SLC13A4: variants seen among roughly 807,000 people sequenced by gnomAD.
The protein encoded by SLC13A4 is solute carrier family 13 member 4, also known as Na(+)/sulfate cotransporter SUT-1.
A neutral mutation model predicts 72.7 loss-of-function variants in SLC13A4; 28 were observed. The observed-to-expected ratio is 0.39, with a 90% confidence interval of 0.29 to 0.53. The LOEUF (loss-of-function observed/expected upper bound fraction) is 0.53, where lower values mean the gene tolerates loss of function less well. Among genes scored for constraint, SLC13A4 ranks in the 20% least tolerant of loss-of-function variants. The pLI is 0.78. For missense variants in SLC13A4, 653 were observed against 788.0 expected (o/e 0.83, Z 2.05); for synonymous variants, 312 against 325.5 (o/e 0.96, Z 0.45).
At chr7:135,715,825 G>T (rs906590097) in intron 2 of SLC13A4, among the ~76,000 whole-genome samples, 3 of 152,242 alleles carry the variant, frequency 2.0e-5, no homozygotes, top group Non-Finnish European at 4.4e-5. Context: ...ATGACGGTAA[G>T]TGAGAGTCAC....
At chr7:135,706,105 A>G in intron 4 of SLC13A4, 23 bp downstream of exon 4, 1 of 1,554,122 alleles carries the variant, frequency 6.4e-7, no homozygotes, top group Non-Finnish European at 8.8e-7. Flanking sequence ...AGCAAAGGAG[A>G]GATGAACTCC....
chr7:135,691,504 T>C lies in SLC13A4; in HGVS notation c.1321+44A>G, dbSNP rs1795786669. The stretch of plus-strand genomic sequence containing the variant: ...TTTGGGAGTATTAGTCTGATTTGGG[T>C]ATTCTTCAACTAGAGCTACCCCCAG... On this transcript the variant is annotated intron_variant, in intron 12 of 15. Transcript: ENST00000682651. 1.9e-6 allele frequency: 3 copies of C among 1,553,408 alleles called. No homozygotes were observed. In the East Asian group the frequency reaches 6.7e-5, roughly 35 times the overall value.
intron 1 of SLC13A4, among the ~76,000 whole-genome samples, chr7:135,724,083 A>T (rs1796599996): frequency 6.6e-6 from 1 of 152,238 alleles, no homozygotes; most frequent in African/African-American, 2.4e-5. Context: ...TTGAGAGACA[A>T]AATGTCTGCC....
chr7:135,701,772 A>G lies in SLC13A4; in HGVS notation c.634-12T>C, dbSNP rs779687663. 1 of 1,613,164 alleles carries G rather than the reference A, an allele frequency of 6.2e-7. No homozygotes were observed. The highest frequency in any genetic ancestry group is 1.7e-5 in the Admixed American group (1 of 59,856). Reference sequence around the variant, plus strand: ...ACACCATTCAGGTTCTGTTGGGACAAAGGCCATCTCACTATTAGGAAGAGG... The same window carrying G: ...ACACCATTCAGGTTCTGTTGGGACAGAGGCCATCTCACTATTAGGAAGAGG... On this transcript the variant is annotated splice_polypyrimidine_tract_variant and intron_variant, in intron 6 of 15. Coordinates refer to ENST00000682651, the MANE Select transcript of SLC13A4 (RefSeq NM_001318192.2).
At chr7:135,698,393 G>T (rs1795953060) in intron 8 of SLC13A4, among the ~76,000 whole-genome samples, 1 of 137,608 alleles carries the variant, frequency 7.3e-6, no homozygotes, top group African/African-American at 2.8e-5. Flanking sequence ...GGAGTGCAGT[G>T]TCACGATCTT....
At chr7:135,715,297 A>G (rs1198275259) in intron 2 of SLC13A4, among the ~76,000 whole-genome samples, 1 of 144,482 alleles carries the variant, frequency 6.9e-6, no homozygotes, top group Non-Finnish European at 1.5e-5. Flanking sequence ...GTGTGAGTGT[A>G]CGTATATCTA....
chr7:135,684,021 C>A (rs1351988729), intron 15 of SLC13A4, 103 bp downstream of exon 15: 1 of 1,353,480 alleles, frequency 7.4e-7, no homozygotes, highest in Non-Finnish European at 1.0e-6. Flanking sequence ...CATTGACAGG[C>A]CAGGGACACT....
At position 135,715,076 on chromosome 7, in the gene SLC13A4, GAT is replaced by G. The variant is rs1491308152; in HGVS notation, c.228+6317_228+6318del. 1.2e-4 allele frequency among the ~76,000 whole-genome samples: 18 copies of G among 151,424 alleles called. No homozygotes were observed. In the East Asian group the frequency reaches 2.7e-3, roughly 23 times the overall value. On this transcript the variant is annotated intron_variant, in intron 2 of 15. Coordinates refer to ENST00000682651, the MANE Select transcript of SLC13A4 (RefSeq NM_001318192.2). ...TGTGTATGTGAATGTGTGTGTGTAT[GAT>G]GTGTGTGTATAAGTGTATGTGTGTG...
intron 2 of SLC13A4, among the ~76,000 whole-genome samples, chr7:135,718,244 C>A (rs1796475450): frequency 6.6e-6 from 1 of 151,952 alleles, no homozygotes; most frequent in Non-Finnish European, 1.5e-5. Flanking sequence ...TCAGGGTACC[C>A]ATATCATCCC....
chr7:135,695,553 T>A (rs941909239), intron 8 of SLC13A4, 66 bp from the exon 9 acceptor site: 2 of 1,544,078 alleles, frequency 1.3e-6, no homozygotes, highest in African/African-American at 2.7e-5. Context: ...TTTGGGGTAG[T>A]ATGCCAAATG....
intron 2 of SLC13A4, among the ~76,000 whole-genome samples, chr7:135,713,773 C>T (rs765665537): frequency 5.9e-5 from 9 of 152,282 alleles, no homozygotes; most frequent in African/African-American, 9.6e-5. Flanking sequence ...GACGGGGTTT[C>T]GCCATGTTGG....
intron 13 of SLC13A4, 30 bp downstream of exon 13, chr7:135,691,171 A>C: frequency 6.3e-7 from 1 of 1,575,528 alleles, no homozygotes. Context: ...CAAAAAAAAA[A>C]ACCCCAAAAA....
intron 15 of SLC13A4, chr7:135,683,658 T>C (rs1584712647): frequency 1.0e-6 from 1 of 985,076 alleles, no homozygotes; most frequent in Non-Finnish European, 1.2e-6. Flanking sequence ...GCTTCAGGGG[T>C]TTCTTGCCTG....
intron 1 of SLC13A4, 117 bp downstream of exon 1, chr7:135,727,281 A>C: frequency 2.3e-6 from 3 of 1,329,664 alleles, no homozygotes; most frequent in Non-Finnish European, 3.0e-6. Context: ...CATTTCTTTA[A>C]ACCCACCACA....
chr7:135,716,931 T>C (rs1331774098), intron 2 of SLC13A4, among the ~76,000 whole-genome samples: 2 of 152,222 alleles, frequency 1.3e-5, no homozygotes, highest in Non-Finnish European at 2.9e-5. Context: ...GAGCCTGTAC[T>C]TAGCTAAAAG....
At chr7:135,713,929 C>T (rs1175452372) in intron 2 of SLC13A4, among the ~76,000 whole-genome samples, 1 of 152,198 alleles carries the variant, frequency 6.6e-6, no homozygotes, top group Non-Finnish European at 1.5e-5. Context: ...AGATACCTGG[C>T]CTGGCTCCCG....
chr7:135,701,239 C>T (rs3110798), intron 7 of SLC13A4, among the ~76,000 whole-genome samples: 3 of 152,086 alleles, frequency 2.0e-5, no homozygotes, highest in East Asian at 1.9e-4. Flanking sequence ...TTGAAATCAA[C>T]GGTCGTAAGT....
In SLC13A4 at chr7:135,727,561, G is replaced by T. The variant is rs889919085; in HGVS notation, c.-65C>A. 317 of 1,507,958 alleles carry T rather than the reference G, an allele frequency of 2.1e-4. No individual in the cohort carries two copies. The highest frequency in any genetic ancestry group is 2.3e-4 in the Non-Finnish European group (263 of 1,121,544). The allele number at this position is 1,507,958 out of a possible 1,614,324, so 93.4% of individuals were successfully genotyped here. On this transcript the variant is annotated 5_prime_UTR_variant, in exon 1 of 16. Coordinates refer to ENST00000682651, the MANE Select transcript of SLC13A4 (RefSeq NM_001318192.2). ...CTGCCGGCGAAAGGCTTCCTGCCTG[G>T]GCACTGCTCTCTATCCAGAAAGACT... is the stretch of plus-strand genomic sequence containing the variant.
chr7:135,702,859 G>T lies in SLC13A4; in HGVS notation c.619C>A (p.Leu207Met). Residue 207 changes from leucine (L) to methionine (M), a missense_variant, in exon 6 of 16, where the codon CTG (leucine) becomes ATG (methionine). Physicochemically the swap from Leu to Met is conservative, Grantham distance 15 (BLOSUM62 2). Transcript: ENST00000682651. ...CAAGGCCATACCTCGTTGTGCATCA[G>T]AGTGGTGAGGTCTGCGTTGGACCTG... is the stretch of plus-strand genomic sequence containing the variant. ...EDRSNADLTT[L>M]MHNENLNGVP... is the part of the protein sequence containing the mutation. The T allele has an allele frequency of 6.2e-7, 1 of 1,613,896 alleles. No individual in the cohort carries two copies. The highest frequency in any genetic ancestry group is 8.5e-7 in the Non-Finnish European group (1 of 1,179,756).
Sources: gnomAD v4.1 joint callset for allele counts (sites outside exome capture counted in the v4.1 genomes callset) on GRCh38, gnomAD v4.1.1 for gene constraint, MANE v1.5 for transcripts, NCBI Gene and HGNC (gene_info 2026-07-23, HGNC 2026-07-21) for gene names.